The following ABCA13 variants were observed in gnomAD, a reference collection of about 807,000 sequenced individuals.
The protein encoded by ABCA13 is ATP binding cassette subfamily A member 13.
Under a neutral mutation model 478.7 loss-of-function variants are expected in ABCA13, and 476 were observed. The observed-to-expected ratio is 0.99, with a 90% CI of 0.92 to 1.07. The LOEUF is 1.07. ABCA13 is among the 50% of genes least tolerant of loss of function. The pLI is 0.00. For missense variants in ABCA13, 6,060 were observed against 5,910.6 expected, an observed-to-expected ratio of 1.03 and a Z score of -0.83; for synonymous variants, 2,252 against 2,158.9, an observed-to-expected ratio of 1.04 and a Z score of -1.20.
chr7:48,274,175 T>C lies in ABCA13; in HGVS notation c.4509T>C (p.Ser1503=), dbSNP rs1795987979. 1 of 1,611,314 alleles carries C rather than the reference T, an allele frequency of 6.2e-7. No homozygotes were observed. The highest frequency in any genetic ancestry group is 8.5e-7 in the Non-Finnish European group (1 of 1,178,306). The change falls in exon 17 of 62, where the codon AGT becomes AGC. Residue 1503 remains serine, a synonymous_variant. Transcript: ENST00000435803. ...LNDSTKQVRM[S]INNLTTDFDF... is the part of the protein sequence containing the mutation. ...ATTCCACAAAGCAAGTAAGGATGAGTATCAACAACTTAACAACAGACTTTG... is the reference window on the plus strand; with the variant it reads ...ATTCCACAAAGCAAGTAAGGATGAGCATCAACAACTTAACAACAGACTTTG...
chr7:48,347,314 A>G (rs1413339281), intron 29 of ABCA13, among the ~76,000 whole-genome samples: 1 of 152,226 alleles, frequency 6.6e-6, no homozygotes, highest in Non-Finnish European at 1.5e-5. Context: ...ATTTTCACAC[A>G]CAAAAATCAG....
rs111699710 is a variant in ABCA13, at chr7:48,363,899, G to A, written c.10689-3895G>A. On this transcript the variant is annotated intron_variant, in intron 31 of 61. Transcript: ENST00000435803. ...TAAATTGTTTAAATATATTTAAATT[G>A]TTGACAAAAAGTATGTTCACTATTA... 5.3e-3 allele frequency among the ~76,000 whole-genome samples: 806 copies of A among 152,162 alleles called. 14 individuals carry two copies. The highest frequency in any genetic ancestry group is 0.019 in the African/African-American group (773 of 41,522).
chr7:48,345,131 A>C (rs1807866072), intron 29 of ABCA13, among the ~76,000 whole-genome samples: 1 of 152,174 alleles, frequency 6.6e-6, no homozygotes, highest in Non-Finnish European at 1.5e-5. Flanking sequence ...ACAACACATT[A>C]CTCACTTGTT....
At chr7:48,463,833 G>A (rs952548107) in intron 43 of ABCA13, among the ~76,000 whole-genome samples, 1 of 152,026 alleles carries the variant, frequency 6.6e-6, no homozygotes, top group African/African-American at 2.4e-5. Context: ...GAACGGAACG[G>A]AACGGAAAGG....
chr7:48,298,443 G>A lies in ABCA13; in HGVS notation c.9277G>A (p.Glu3093Lys). The A allele has an allele frequency of 1.2e-6, 2 of 1,613,668 alleles. No individual in the cohort carries two copies. The highest frequency in any genetic ancestry group is 1.7e-5 in the Admixed American group (1 of 60,006). Residue 3093 changes from glutamate to lysine, a missense_variant, in exon 23 of 62, where the codon GAG becomes AAG. Around this residue, in one of 3 missense-constraint regions of ABCA13, gnomAD observed 4,423 missense variants for 4,309.1 expected, o/e 1.03. Coordinates refer to ENST00000435803, the MANE Select transcript of ABCA13 (RefSeq NM_152701.5). ...TCGCTCTTCCATCCAAATCTCGAAT[G>A]AGACTATCCATAGCATTCTAGAAGC... Reference protein sequence around the residue: ...ELRSSIQISNETIHSILEANI... With the variant: ...ELRSSIQISNKTIHSILEANI...
At chr7:48,476,448 G>A (rs952167782) in intron 45 of ABCA13, among the ~76,000 whole-genome samples, 2 of 152,058 alleles carry the variant, frequency 1.3e-5, no homozygotes, top group African/African-American at 4.8e-5. Context: ...AAGCAATTCC[G>A]CTGTAATTTG....
chr7:48,184,851 A>G (rs1411307968), intron 1 of ABCA13, among the ~76,000 whole-genome samples: 1 of 152,174 alleles, frequency 6.6e-6, no homozygotes, highest in Admixed American at 6.5e-5. Flanking sequence ...TTCACTTTTT[A>G]TTGAGACAGG....
At chr7:48,233,756 A>T (rs1789528580) in intron 7 of ABCA13, among the ~76,000 whole-genome samples, 1 of 152,204 alleles carries the variant, frequency 6.6e-6, no homozygotes, top group South Asian at 2.1e-4. Flanking sequence ...CTTGAATTTT[A>T]TAAAGCTCTT....
At chr7:48,403,577 G>A (rs1465669042) in intron 38 of ABCA13, 106 bp from the exon 39 acceptor site, 2 of 1,120,748 alleles carry the variant, frequency 1.8e-6, no homozygotes, top group African/African-American at 3.1e-5. Context: ...ATATATTTGT[G>A]GTTTATAACG....
At chr7:48,185,904 C>G (rs1203843970) in intron 1 of ABCA13, among the ~76,000 whole-genome samples, 1 of 151,734 alleles carries the variant, frequency 6.6e-6, no homozygotes, top group Non-Finnish European at 1.5e-5. Context: ...TATTATTATA[C>G]TTTTTGGTAT....
chr7:48,270,921 T>C (rs1392545582), intron 16 of ABCA13, among the ~76,000 whole-genome samples: 2 of 152,180 alleles, frequency 1.3e-5, no homozygotes, highest in Non-Finnish European at 2.9e-5. Flanking sequence ...CACAACTCAT[T>C]CAGCAAAGAT....
chr7:48,461,178 G>A (rs1826201107), intron 43 of ABCA13, among the ~76,000 whole-genome samples: 1 of 152,180 alleles, frequency 6.6e-6, no homozygotes, highest in South Asian at 2.1e-4. Context: ...TTTTGAGCGG[G>A]ATGGAGAGGA....
chr7:48,221,170 G>C, intron 4 of ABCA13, 111 bp from the exon 5 acceptor site: 2 of 548,184 alleles, frequency 3.6e-6, no homozygotes, highest in South Asian at 4.0e-5. Context: ...TTTGATTTTT[G>C]GGCCAGGGCT....
In ABCA13 at chr7:48,462,157, A is replaced by C. The variant is rs577482858; in HGVS notation, c.12816-4799A>C. 3.3e-5 allele frequency among the ~76,000 whole-genome samples: 5 copies of C among 152,206 alleles called. No homozygotes were observed. The South Asian group carries it at 1.0e-3, about 32-fold the overall frequency. On this transcript the variant is annotated intron_variant, in intron 43 of 61. Transcript: ENST00000435803. ...TCTCTCTAAAGGAAGAGTGTGAGTA[A>C]ATGTGAAAAGTAAGGCAGGAAGTCT...
At chr7:48,194,172 AT>A in intron 2 of ABCA13, among the ~76,000 whole-genome samples, 2 of 24 alleles carry the variant, frequency 0.083, 1 homozygote, top group African/African-American at 0.11. Context: ...GATGATGATG[AT>A]GATGCTGATA....
In ABCA13 at chr7:48,266,874, T is replaced by G. The variant is rs551560041; in HGVS notation, c.2006-2106T>G. 2.0e-5 allele frequency among the ~76,000 whole-genome samples: 3 copies of G among 152,128 alleles called. No homozygotes were observed. In the South Asian group the frequency reaches 6.2e-4, roughly 31 times the overall value. On this transcript the variant is annotated intron_variant, in intron 15 of 61. Coordinates refer to ENST00000435803, the MANE Select transcript of ABCA13 (RefSeq NM_152701.5). Reference sequence around the variant, plus strand: ...TAGAGGCATCCCACAAATACTGGCATGTTGTACTTTCATTTTCATTCAGTT... The same window carrying G: ...TAGAGGCATCCCACAAATACTGGCAGGTTGTACTTTCATTTTCATTCAGTT...
At chr7:48,631,555 G>A (rs1794169365) in intron 59 of ABCA13, among the ~76,000 whole-genome samples, 1 of 152,038 alleles carries the variant, frequency 6.6e-6, no homozygotes, top group Admixed American at 6.6e-5. Context: ...GGTTATTGTA[G>A]CCTTATAGCA....
intron 39 of ABCA13, among the ~76,000 whole-genome samples, chr7:48,408,619 A>G (rs141902451): frequency 9.8e-4 from 149 of 152,082 alleles, no homozygotes; most frequent in African/African-American, 3.3e-3. Context: ...TGTCTCCTCT[A>G]TTATTGTTAT....
chr7:48,309,683 C>CAG (rs1226889485), intron 23 of ABCA13, among the ~76,000 whole-genome samples: 10 of 152,070 alleles, frequency 6.6e-5, no homozygotes, highest in Admixed American at 6.6e-4. Flanking sequence ...AGCAGAGGGA[C>CAG]AGAGTTTCAG....
Sources: gnomAD v4.1 joint callset for allele counts (sites outside exome capture counted in the v4.1 genomes callset) on GRCh38, gnomAD v4.1.1 for gene constraint, gnomAD v4.1.1 regional missense constraint, MANE v1.5 for transcripts, NCBI Gene and HGNC (gene_info 2026-07-23, HGNC 2026-07-21) for gene names.